The following PRAMEF15 variants were observed in gnomAD, a reference collection of about 807,000 sequenced individuals.
PRAMEF15 encodes the protein PRAME family member 9/15.
In PRAMEF15, 21 loss-of-function variants were observed where a neutral mutation model predicts 35.3. That is an observed-to-expected ratio of 0.59 (90% CI 0.42 to 0.86). PRAMEF15 has a LOEUF of 0.86. Ranked by LOEUF, PRAMEF15 falls within the 40% of genes least tolerant of loss-of-function variation. The pLI is 0.00. For missense variants in PRAMEF15, 360 were observed against 574.1 expected (o/e 0.63, Z 3.81); for synonymous variants, 122 against 223.3 (o/e 0.55, Z 4.05).
At chr1:13,318,063 T>C (rs1640029698) in intron 1 of PRAMEF15, among the ~76,000 whole-genome samples, 1 of 151,968 alleles carries the variant, frequency 6.6e-6, no homozygotes, top group South Asian at 2.1e-4. Flanking sequence ...ATTCCCATTG[T>C]TTTAGATCCT....
chr1:13,320,653 A>G (rs1357288686), intron 3 of PRAMEF15, among the ~76,000 whole-genome samples: 1 of 151,998 alleles, frequency 6.6e-6, no homozygotes, highest in African/African-American at 2.4e-5. Context: ...CCAACTCCTG[A>G]CTTCAGGTGA....
chr1:13,321,821 G>A lies in PRAMEF15; in HGVS notation c.994G>A (p.Gly332Ser), dbSNP rs1640087869. The change falls in exon 4 of 4, where the codon GGC (glycine) becomes AGC (serine). Residue 332 changes from glycine (G) to serine (S), a missense_variant. Gly to Ser is a moderately conservative substitution (Grantham distance 56, BLOSUM62 0). This residue lies in a region of PRAMEF15 where 72 missense variants were observed against 79.9 expected (regional missense o/e 0.90). Coordinates refer to ENST00000376152, the MANE Select transcript of PRAMEF15 (RefSeq NM_001098376.3). ...ISQLKTLDLS[G>S]IRLTNYSLVP... Reference sequence around the variant, plus strand: ...TCAACTAAAGACCCTGGACCTGAGTGGCATCAGACTGACCAATTATAGTCT... The same window carrying A: ...TCAACTAAAGACCCTGGACCTGAGTAGCATCAGACTGACCAATTATAGTCT... 1 of 1,608,100 alleles carries A rather than the reference G, an allele frequency of 6.2e-7. No individual in the cohort carries two copies. Among genetic ancestry groups the A allele is most frequent in the Non-Finnish European group, 8.5e-7 (1 of 1,177,484 alleles).
At chr1:13,318,341 A>C in intron 1 of PRAMEF15, 51 bp from the exon 2 acceptor site, 4 of 1,562,892 alleles carry the variant, frequency 2.6e-6, no homozygotes, top group Non-Finnish European at 3.5e-6. Flanking sequence ...ATGAGATTGC[A>C]TGGGCTTGGC....
chr1:13,317,382 T>A (rs75568928), intron 1 of PRAMEF15, among the ~76,000 whole-genome samples: 2 of 151,664 alleles, frequency 1.3e-5, no homozygotes, highest in African/African-American at 4.8e-5. Context: ...AATGGTTCAG[T>A]TTGAACATGT....
intron 1 of PRAMEF15, among the ~76,000 whole-genome samples, chr1:13,316,678 G>A (rs1640009666): frequency 2.0e-5 from 3 of 151,850 alleles, no homozygotes; most frequent in Admixed American, 2.0e-4. Flanking sequence ...AAAATTATAT[G>A]ACCCAGGTGA....
intron 1 of PRAMEF15, among the ~76,000 whole-genome samples, chr1:13,317,442 T>A (rs1237226160): frequency 6.6e-6 from 1 of 151,876 alleles, no homozygotes; most frequent in East Asian, 1.9e-4. Context: ...TGCATAACAG[T>A]GTCACATAGC....
In PRAMEF15 at chr1:13,322,076, G is replaced by T. The variant is rs2100327493; in HGVS notation, c.1249G>T (p.Ala417Ser). 2 of 1,609,092 alleles carry T rather than the reference G, an allele frequency of 1.2e-6. No homozygotes were observed. Among genetic ancestry groups the T allele is most frequent in the East Asian group, 2.3e-5 (1 of 44,024 alleles). ...LKNLCVELYP[A>S]PRESYGADGT... ...AAACTTATGTGTGGAGCTGTATCCT[G>T]CCCCCCGAGAGAGTTATGGTGCTGA... The change falls in exon 4 of 4, where the codon GCC becomes TCC. Residue 417 changes from alanine (A) to serine (S), a missense_variant. Ala to Ser is a moderately conservative substitution (Grantham distance 99). This residue lies in a region of PRAMEF15 where 147 missense variants were observed against 123.5 expected (regional missense o/e 1.19). Coordinates refer to ENST00000376152, the MANE Select transcript of PRAMEF15 (RefSeq NM_001098376.3).
intron 2 of PRAMEF15, among the ~76,000 whole-genome samples, 175 bp from the exon 3 acceptor site, chr1:13,319,193 CAAAA>C (rs375566005): frequency 2.6e-5 from 2 of 77,194 alleles, no homozygotes; most frequent in African/African-American, 8.9e-5. Context: ...GACTTGGTCT[CAAAA>C]AAAAAAAAAA....
At chr1:13,316,282 C>G (rs1640001457) in intron 1 of PRAMEF15, among the ~76,000 whole-genome samples, 2 of 151,542 alleles carry the variant, frequency 1.3e-5, no homozygotes, top group Admixed American at 6.6e-5. Flanking sequence ...GGGATTACAG[C>G]TGTGAGTCAC....
rs1257176917 is a variant in PRAMEF15 at position 13,321,618 on chromosome 1, C to T, written c.876-85C>T. 1.3e-4 allele frequency: 171 copies of T among 1,343,396 alleles called. 5 individuals carry two copies. Among genetic ancestry groups the T allele is most frequent in the South Asian group, 9.3e-4 (76 of 81,820 alleles). The allele number at this position is 1,343,396 out of a possible 1,614,324, so 83.2% of individuals were successfully genotyped here. On this transcript the variant is annotated intron_variant, in intron 3 of 3. Transcript: ENST00000376152. ...CCCTGGACTTGGGCAAAAAGGTCTC[C>T]ATCCATTACCTTGAAGCCATTCCCC...
chr1:13,318,000 C>G (rs1640028935), intron 1 of PRAMEF15, among the ~76,000 whole-genome samples: 1 of 152,052 alleles, frequency 6.6e-6, no homozygotes, highest in African/African-American at 2.4e-5. Context: ...ATGTTCCCAA[C>G]AAGCTTATTT....
intron 3 of PRAMEF15, among the ~76,000 whole-genome samples, chr1:13,320,905 T>A (rs1235792013): frequency 2.0e-5 from 3 of 152,008 alleles, no homozygotes; most frequent in Non-Finnish European, 4.4e-5. Flanking sequence ...CCAGGTAAAT[T>A]AATTATCTAG....
chr1:13,317,415 A>C (rs1160241006), intron 1 of PRAMEF15, among the ~76,000 whole-genome samples: 1 of 151,822 alleles, frequency 6.6e-6, no homozygotes, highest in African/African-American at 2.4e-5. Flanking sequence ...CATTGGAAAC[A>C]TCTATCTTGC....
chr1:13,321,836 A>C lies in PRAMEF15; in HGVS notation c.1009A>C (p.Asn337His). 1 of 1,607,788 alleles carries C rather than the reference A, an allele frequency of 6.2e-7. No individual in the cohort carries two copies. Among genetic ancestry groups the C allele is most frequent in the Non-Finnish European group, 8.5e-7 (1 of 1,177,388 alleles). Reference sequence around the variant, plus strand: ...GGACCTGAGTGGCATCAGACTGACCAATTATAGTCTTGTGCCTCTCCAAAT... The same window carrying C: ...GGACCTGAGTGGCATCAGACTGACCCATTATAGTCTTGTGCCTCTCCAAAT... ...TLDLSGIRLTNYSLVPLQILL... is the reference protein window; with the variant it reads ...TLDLSGIRLTHYSLVPLQILL... Residue 337 changes from asparagine to histidine, a missense_variant, in exon 4 of 4, where the codon AAT (asparagine) becomes CAT (histidine). Asn to His is a moderately conservative substitution (Grantham distance 68). Around this residue, in one of 8 missense-constraint regions of PRAMEF15, gnomAD observed 72 missense variants for 79.9 expected, o/e 0.90. Transcript: ENST00000376152.
At chr1:13,316,218 G>T (rs1238162018) in intron 1 of PRAMEF15, among the ~76,000 whole-genome samples, 10 of 151,592 alleles carry the variant, frequency 6.6e-5, no homozygotes, top group Non-Finnish European at 8.8e-5. Flanking sequence ...TGGCCAGGTT[G>T]GTCTCGAACA....
intron 1 of PRAMEF15, among the ~76,000 whole-genome samples, chr1:13,318,048 C>T (rs1284153150): frequency 2.0e-5 from 3 of 152,054 alleles, no homozygotes; most frequent in African/African-American, 4.8e-5. Flanking sequence ...GCTTGTGACA[C>T]TCCCATTCCC....
Position 13,318,375 on chromosome 1 carries a change from G to T in PRAMEF15, c.-16-17G>T. The stretch of plus-strand genomic sequence containing the variant: ...GCCTGAGAGTGATGCCTCTTCTCTG[G>T]GTTTGTCCTCTGGAAGTTTTCCCTG... On this transcript the variant is annotated splice_polypyrimidine_tract_variant and intron_variant, in intron 1 of 3. Transcript: ENST00000376152. 1 of 1,600,498 alleles carries T rather than the reference G, an allele frequency of 6.2e-7. No individual in the cohort carries two copies. The highest frequency in any genetic ancestry group is 8.5e-7 in the Non-Finnish European group (1 of 1,171,792).
rs1460094976 is a variant in PRAMEF15, at chr1:13,322,419, C to T, written c.*155C>T. The T allele has an allele frequency of 7.5e-5, 52 of 695,608 alleles. 1 individual carries two copies. The highest frequency in any genetic ancestry group is 3.9e-4 in the Admixed American group (13 of 33,434). The allele number at this position is 695,608 out of a possible 1,614,324, so 43.1% of individuals were successfully genotyped here. A position where few individuals can be genotyped will look rare whatever the true frequency, so the allele number is the denominator to read the frequency against. On this transcript the variant is annotated 3_prime_UTR_variant, in exon 4 of 4. Coordinates refer to ENST00000376152, the MANE Select transcript of PRAMEF15 (RefSeq NM_001098376.3). ...AAAGGAAAGCTGATCAAGCAGGGGC[C>T]GGACTTGGGGGAAATGTTGCCATGG...
chr1:13,318,935 C>T (rs1364117929), intron 2 of PRAMEF15, among the ~76,000 whole-genome samples: 210 of 151,912 alleles, frequency 1.4e-3, no homozygotes, highest in African/African-American at 4.9e-3. Context: ...AGAACTGGGC[C>T]GGGCACGGTG....
Sources: gnomAD v4.1 joint callset for allele counts (sites outside exome capture counted in the v4.1 genomes callset) on GRCh38, gnomAD v4.1.1 for gene constraint, gnomAD v4.1.1 regional missense constraint, MANE v1.5 for transcripts, NCBI Gene and HGNC (gene_info 2026-07-23, HGNC 2026-07-21) for gene names.